The following NMNAT2 variants were observed in gnomAD, a reference collection of about 807,000 sequenced individuals.
The protein encoded by NMNAT2 is nicotinamide nucleotide adenylyltransferase 2.
NMNAT2 carries 11 observed loss-of-function variants against 41.6 expected under a neutral mutation model. The ratio of observed to expected loss-of-function variants is 0.26; its 90% CI spans 0.17 to 0.44. The LOEUF is 0.44. Among genes scored for constraint, NMNAT2 ranks in the 20% least tolerant of loss-of-function variants. The pLI is 1.00. For synonymous variants in NMNAT2, 148 were observed against 151.2 expected (o/e 0.98, Z 0.16); for missense variants, 288 against 407.7 (o/e 0.71, Z 2.53).
At chr1:183,314,338 C>G (rs1432488300) in intron 1 of NMNAT2, among the ~76,000 whole-genome samples, 1 of 152,212 alleles carries the variant, frequency 6.6e-6, no homozygotes, top group Non-Finnish European at 1.5e-5. Context: ...GCCAACCCTT[C>G]AAAATCCAAC....
intron 1 of NMNAT2, among the ~76,000 whole-genome samples, chr1:183,394,086 A>T (rs1408398316): frequency 6.6e-6 from 1 of 152,248 alleles, no homozygotes; most frequent in Non-Finnish European, 1.5e-5. Context: ...TGAGAAGCAT[A>T]GCAAGTGAGC....
chr1:183,345,668 A>G (rs574331930), intron 1 of NMNAT2, among the ~76,000 whole-genome samples: 100 of 148,918 alleles, frequency 6.7e-4, no homozygotes, highest in Middle Eastern at 3.5e-3. Flanking sequence ...TTTCATAACT[A>G]CAAGAAATAA....
At chr1:183,320,810 T>C (rs2102330273) in intron 1 of NMNAT2, among the ~76,000 whole-genome samples, 1 of 152,328 alleles carries the variant, frequency 6.6e-6, no homozygotes, top group South Asian at 2.1e-4. Context: ...CACAGTTCTT[T>C]GTTTCTTTCC....
At chr1:183,350,136 T>G (rs912118401) in intron 1 of NMNAT2, among the ~76,000 whole-genome samples, 1 of 152,196 alleles carries the variant, frequency 6.6e-6, no homozygotes, top group Admixed American at 6.5e-5. Context: ...CCTGCCCTCA[T>G]GGAGCTCATC....
intron 1 of NMNAT2, among the ~76,000 whole-genome samples, chr1:183,409,772 A>C (rs1306199761): frequency 6.6e-6 from 1 of 152,206 alleles, no homozygotes; most frequent in Admixed American, 6.5e-5. Context: ...AAATCCAACA[A>C]AATCATGGAA....
At chr1:183,310,474 G>C (rs1020634315) in intron 1 of NMNAT2, among the ~76,000 whole-genome samples, 2 of 152,084 alleles carry the variant, frequency 1.3e-5, no homozygotes, top group Non-Finnish European at 2.9e-5. Flanking sequence ...AGCCTGCTCT[G>C]GTCCCTCTCA....
chr1:183,299,782 G>T (rs574031559), intron 1 of NMNAT2, among the ~76,000 whole-genome samples: 3 of 152,142 alleles, frequency 2.0e-5, no homozygotes, highest in Non-Finnish European at 2.9e-5. Flanking sequence ...GTGGTAATGG[G>T]CTAGTTCTAT....
At chr1:183,340,478 C>T (rs1662772461) in intron 1 of NMNAT2, among the ~76,000 whole-genome samples, 1 of 152,114 alleles carries the variant, frequency 6.6e-6, no homozygotes, top group Admixed American at 6.5e-5. Context: ...CATGTGCCAC[C>T]ACACCTGGCT....
intron 1 of NMNAT2, among the ~76,000 whole-genome samples, chr1:183,369,369 T>C (rs1259796529): frequency 6.6e-6 from 1 of 151,624 alleles, no homozygotes; most frequent in East Asian, 1.9e-4. Flanking sequence ...CTCCACCTCC[T>C]GGGTTCAAGC....
intron 1 of NMNAT2, among the ~76,000 whole-genome samples, chr1:183,382,888 G>A (rs1663831023): frequency 1.3e-5 from 2 of 152,168 alleles, no homozygotes; most frequent in Admixed American, 1.3e-4. Flanking sequence ...GGAGCCTGGA[G>A]GATGGTGGCT....
At chr1:183,324,766 C>T (rs1004583174) in intron 1 of NMNAT2, among the ~76,000 whole-genome samples, 4 of 152,150 alleles carry the variant, frequency 2.6e-5, no homozygotes, top group Non-Finnish European at 5.9e-5. Context: ...TTACTGCCAT[C>T]CTCTTAGCAC....
In NMNAT2 at chr1:183,366,188, C is replaced by T. The variant is rs578249828; in HGVS notation, c.85+51995G>A. On this transcript the variant is annotated intron_variant, in intron 1 of 10. Transcript: ENST00000287713. Reference sequence around the variant, plus strand: ...GTATGACCCATCCCGTCTTTCTGACCTCATTCATTTATTCTGCTATTTATG... The same window carrying T: ...GTATGACCCATCCCGTCTTTCTGACTTCATTCATTTATTCTGCTATTTATG... 2.5e-3 allele frequency among the ~76,000 whole-genome samples: 385 copies of T among 152,300 alleles called. 2 individuals carry two copies. Among genetic ancestry groups the T allele is most frequent in the African/African-American group, 8.2e-3 (340 of 41,568 alleles).
rs548694026 is a variant in NMNAT2 at position 183,412,175 on chromosome 1, A to G, written c.85+6008T>C. 7.6e-4 allele frequency among the ~76,000 whole-genome samples: 116 copies of G among 152,358 alleles called. 1 individual carries two copies. The South Asian group carries it at 0.023, about 30-fold the overall frequency. On this transcript the variant is annotated intron_variant, in intron 1 of 10. Coordinates refer to ENST00000287713, the MANE Select transcript of NMNAT2 (RefSeq NM_015039.4). ...GGAGGATTTGGAGCAAAGGAGCAAC[A>G]TGATCTGACTTAGATTTGGCTTACA...
chr1:183,341,725 C>CAAAAAAAAAAAAAAAAAA lies in NMNAT2; in HGVS notation c.86-47950_86-47933dup, dbSNP rs762935303. Among the ~76,000 whole-genome samples, 56 of 22,208 alleles carry CAAAAAAAAAAAAAAAAAA rather than the reference C, an allele frequency of 2.5e-3. 5 individuals are homozygous for CAAAAAAAAAAAAAAAAAA. The highest frequency in any genetic ancestry group is 0.012 in the East Asian group (3 of 254). 14.6% of individuals were successfully genotyped at this position (22,208 alleles called of 152,430 possible). On this transcript the variant is annotated intron_variant, in intron 1 of 10. Coordinates refer to ENST00000287713, the MANE Select transcript of NMNAT2 (RefSeq NM_015039.4). ...GAGGAAAAGACAAACAAACAAACAC[C>CAAAAAAAAAAAAAAAAAA]AAAAAAAAAAAAAAAAAAAAAACCT...
chr1:183,366,446 T>C (rs958450276), intron 1 of NMNAT2, among the ~76,000 whole-genome samples: 4 of 152,238 alleles, frequency 2.6e-5, no homozygotes, highest in African/African-American at 9.6e-5. Context: ...ATTAGTATTA[T>C]GTAGTAAGCT....
intron 1 of NMNAT2, among the ~76,000 whole-genome samples, chr1:183,416,387 G>C (rs1170216071): frequency 6.6e-6 from 1 of 152,130 alleles, no homozygotes; most frequent in East Asian, 1.9e-4. Flanking sequence ...ATCATTGCCT[G>C]GTCAAGGGAG....
intron 1 of NMNAT2, among the ~76,000 whole-genome samples, chr1:183,390,921 G>A (rs535456590): frequency 4.9e-4 from 74 of 152,260 alleles, no homozygotes; most frequent in African/African-American, 1.8e-3. Context: ...ATCATTTGGG[G>A]TGATGCACGT....
intron 1 of NMNAT2, among the ~76,000 whole-genome samples, chr1:183,328,605 G>T (rs959551942): frequency 2.0e-5 from 3 of 152,146 alleles, no homozygotes; most frequent in Non-Finnish European, 2.9e-5. Flanking sequence ...CAATCCTCCT[G>T]GCTCTAGTTA....
At chr1:183,255,411 G>A (rs1660490393) in intron 10 of NMNAT2, among the ~76,000 whole-genome samples, 1 of 151,856 alleles carries the variant, frequency 6.6e-6, no homozygotes, top group Non-Finnish European at 1.5e-5. Context: ...TTGCAGTTCT[G>A]AGCACATTTT....
Sources: gnomAD v4.1 joint callset for allele counts (sites outside exome capture counted in the v4.1 genomes callset) on GRCh38, gnomAD v4.1.1 for gene constraint, MANE v1.5 for transcripts, NCBI Gene and HGNC (gene_info 2026-07-23, HGNC 2026-07-21) for gene names.